The following RECQL variants were observed in gnomAD, a reference collection of about 807,000 sequenced individuals.
RECQL encodes the protein RecQ like helicase, also known as ATP-dependent DNA helicase Q1.
A neutral mutation model predicts 75.8 loss-of-function variants in RECQL; 73 were observed. The ratio of observed to expected loss-of-function variants is 0.96; its 90% confidence interval spans 0.80 to 1.17. The LOEUF (loss-of-function observed/expected upper bound fraction) is 1.17, where lower values mean the gene tolerates loss of function less well. RECQL is among the 50% of genes most tolerant of loss of function. The pLI is 0.00. For synonymous variants in RECQL, 248 were observed against 254.4 expected (o/e 0.97, Z 0.24); for missense variants, 699 against 772.1 (o/e 0.91, Z 1.12).
rs931199759 is a variant in RECQL, at chr12:21,471,661, A to G, written c.1448-14T>C. ...TTCTTTCAAATGCTGTAATAAAACA[A>G]ATATGGTAGCAGGTAATTAGGATTT... On this transcript the variant is annotated splice_polypyrimidine_tract_variant and intron_variant, in intron 12 of 14. Coordinates refer to ENST00000444129, the MANE Select transcript of RECQL (RefSeq NM_002907.4). 23 of 1,591,518 alleles carry G rather than the reference A, an allele frequency of 1.4e-5. No homozygotes were observed. The highest frequency in any genetic ancestry group is 1.7e-5 in the Non-Finnish European group (20 of 1,160,136).
intron 2 of RECQL, among the ~76,000 whole-genome samples, chr12:21,496,535 T>C (rs975887018): frequency 3.3e-5 from 5 of 152,226 alleles, no homozygotes; most frequent in East Asian, 1.9e-4. Context: ...GCTCTCTGCA[T>C]TGATGATATC....
At position 21,471,526 on chromosome 12, in the gene RECQL, A is replaced by C; in HGVS notation, c.1569T>G (p.Gly523=). The C allele has an allele frequency of 1.2e-6, 2 of 1,612,412 alleles. No individual in the cohort carries two copies. The highest frequency in any genetic ancestry group is 1.1e-5 in the South Asian group (1 of 90,764). The change falls in exon 13 of 15, where the codon GGT becomes GGG. Residue 523 remains glycine (G), a synonymous_variant. Coordinates refer to ENST00000444129, the MANE Select transcript of RECQL (RefSeq NM_002907.4). ...LKLIDSWMGK[G]AAKLRVAGVV... ...CACCTGCTACTCTCAGTTTTGCTGC[A>C]CCCTTTCCCATCCAAGAATCAATCA...
At chr12:21,486,641 G>T in intron 4 of RECQL, 56 bp from the exon 5 acceptor site, 2 of 525,214 alleles carry the variant, frequency 3.8e-6, no homozygotes, top group Non-Finnish European at 6.5e-6. Flanking sequence ...CTCAGAATCA[G>T]ATGCAAACCA....
chr12:21,477,698 T>A, intron 7 of RECQL, 105 bp downstream of exon 7: 1 of 862,312 alleles, frequency 1.2e-6, no homozygotes, highest in East Asian at 2.8e-5. Flanking sequence ...ATGTTAAAAA[T>A]TTTTGTAAGT....
At chr12:21,472,355 G>T (rs1364277213) in intron 12 of RECQL, among the ~76,000 whole-genome samples, 1 of 152,084 alleles carries the variant, frequency 6.6e-6, no homozygotes, top group East Asian at 1.9e-4. Context: ...CAAGCCAACA[G>T]AGTAAAGTGA....
At position 21,499,573 on chromosome 12, in the gene RECQL, T is replaced by C. The variant is rs1943568213; in HGVS notation, c.-3A>G. The C allele has an allele frequency of 1.3e-6, 2 of 1,593,790 alleles. No individual in the cohort carries two copies. Among genetic ancestry groups the C allele is most frequent in the Admixed American group, 1.8e-5 (1 of 56,508 alleles). On this transcript the variant is annotated 5_prime_UTR_variant, in exon 2 of 15. Transcript: ENST00000444129. ...TACTAACCTGAAACGGACGCCATTC[T>C]TTTTCTTTCCAAATTTGTTTCTAAA... is the stretch of plus-strand genomic sequence containing the variant.
chr12:21,496,772 T>G (rs970201772), intron 2 of RECQL, among the ~76,000 whole-genome samples: 1 of 152,210 alleles, frequency 6.6e-6, no homozygotes, highest in African/African-American at 2.4e-5. Flanking sequence ...GCACAGAGCC[T>G]AATGGACTAC....
rs777859668 is a variant in RECQL at position 21,474,808 on chromosome 12, T to C, written c.1355+33A>G. ...TCATATACTTTCATATTTGCTTTAA[T>C]TGATAAAAGTTATAAAAAGGTATGT... On this transcript the variant is annotated intron_variant, in intron 11 of 14. Transcript: ENST00000444129. 20 of 1,595,360 alleles carry C rather than the reference T, an allele frequency of 1.3e-5. No individual in the cohort carries two copies. The African/African-American group carries it at 1.6e-4, about 13-fold the overall frequency.
rs201739350 is a variant in RECQL at position 21,475,544 on chromosome 12, C to T, written c.1140G>A (p.Lys380=). Residue 380 remains lysine, a synonymous_variant, in exon 10 of 15, where the codon AAG becomes AAA. Transcript: ENST00000444129. The part of the protein sequence containing the change: ...ATVAFGMGID[K]PDVRFVIHHS... ...GATGGATAACAAACCTCACATCTGGCTTATCAATTCCCATACCAAATGCAA... is the reference window on the plus strand; with the variant it reads ...GATGGATAACAAACCTCACATCTGGTTTATCAATTCCCATACCAAATGCAA... The T allele has an allele frequency of 6.2e-6, 10 of 1,612,828 alleles. No individual in the cohort carries two copies. Among genetic ancestry groups the T allele is most frequent in the Middle Eastern group, 1.7e-4 (1 of 6,056 alleles).
At position 21,481,901 on chromosome 12, in the gene RECQL, G is replaced by T. The variant is rs1398917805; in HGVS notation, c.700+1475C>A. On this transcript the variant is annotated intron_variant, in intron 6 of 14. Transcript: ENST00000444129. ...TATAAAATGTTACTGAAGTGAAGTGGGAAGAGGAATGAAGATGAGACCACT... is the reference window on the plus strand; with the variant it reads ...TATAAAATGTTACTGAAGTGAAGTGTGAAGAGGAATGAAGATGAGACCACT... Among the ~76,000 whole-genome samples the T allele has an allele frequency of 3.9e-5, 6 of 152,136 alleles. No homozygotes were observed. The East Asian group carries it at 1.2e-3, about 30-fold the overall frequency.
chr12:21,496,834 G>A (rs1223018932), intron 2 of RECQL, among the ~76,000 whole-genome samples: 1 of 152,148 alleles, frequency 6.6e-6, no homozygotes, highest in Non-Finnish European at 1.5e-5. Flanking sequence ...CCCAAAACTT[G>A]CCGGTTTTGA....
intron 3 of RECQL, among the ~76,000 whole-genome samples, chr12:21,490,644 G>A (rs1422828220): frequency 2.0e-5 from 3 of 151,968 alleles, no homozygotes; most frequent in Admixed American, 1.3e-4. Context: ...TCAGGAGTTC[G>A]AGACCAGCCT....
chr12:21,494,934 G>A (rs1052607499), intron 2 of RECQL, among the ~76,000 whole-genome samples: 5 of 152,162 alleles, frequency 3.3e-5, no homozygotes, highest in African/African-American at 1.2e-4. Context: ...AATTTATGAC[G>A]AAAAATAAAG....
At chr12:21,478,059 A>T in intron 6 of RECQL, 90 bp from the exon 7 acceptor site, 1 of 1,321,124 alleles carries the variant, frequency 7.6e-7, no homozygotes. Flanking sequence ...ATCGATGACT[A>T]CTATGATTTT....
At position 21,491,564 on chromosome 12, in the gene RECQL, C is replaced by T. The variant is rs778153893; in HGVS notation, c.169G>A (p.Ala57Thr). The T allele has an allele frequency of 6.2e-7, 1 of 1,611,686 alleles. No homozygotes were observed. Among genetic ancestry groups the T allele is most frequent in the South Asian group, 1.1e-5 (1 of 90,868 alleles). The change falls in exon 3 of 15, where the codon GCA (alanine) becomes ACA (threonine). Residue 57 changes from alanine to threonine, a missense_variant. This residue lies in a region of RECQL where 669 missense variants were observed against 713.5 expected (regional missense o/e 0.94). Coordinates refer to ENST00000444129, the MANE Select transcript of RECQL (RefSeq NM_002907.4). The stretch of plus-strand genomic sequence containing the variant: ...GGTGAAGAATCATATTCATTGCTTG[C>T]CCCGGCATCAGAATCCTCTAAACAC... ...KQCLEDSDAG[A>T]SNEYDSSPAA...
chr12:21,494,084 T>C (rs1312279815), intron 2 of RECQL, among the ~76,000 whole-genome samples: 2 of 152,130 alleles, frequency 1.3e-5, no homozygotes, highest in African/African-American at 2.4e-5. Context: ...CTTCCAATCA[T>C]GACAGAAGGC....
chr12:21,475,164 G>C (rs1308173631), intron 10 of RECQL, among the ~76,000 whole-genome samples, 185 bp from the exon 11 acceptor site: 1 of 151,732 alleles, frequency 6.6e-6, no homozygotes, highest in Non-Finnish European at 1.5e-5. Flanking sequence ...TCAATAATCA[G>C]CTCTACTAAG....
chr12:21,481,273 G>A (rs1404974848), intron 6 of RECQL, among the ~76,000 whole-genome samples: 1 of 152,192 alleles, frequency 6.6e-6, no homozygotes, highest in East Asian at 1.9e-4. Context: ...AGAAGAAAAA[G>A]AGCAGTTCTT....
At chr12:21,483,108 G>A (rs1943222374) in intron 6 of RECQL, among the ~76,000 whole-genome samples, 1 of 152,150 alleles carries the variant, frequency 6.6e-6, no homozygotes, top group African/African-American at 2.4e-5. Context: ...TTAAACTACA[G>A]ACTACAGTGG....
Sources: gnomAD v4.1 joint callset for allele counts (sites outside exome capture counted in the v4.1 genomes callset) on GRCh38, gnomAD v4.1.1 for gene constraint, gnomAD v4.1.1 regional missense constraint, MANE v1.5 for transcripts, NCBI Gene and HGNC (gene_info 2026-07-23, HGNC 2026-07-21) for gene names.